ADAM17: variants seen among roughly 807,000 people sequenced by gnomAD.
ADAM17 encodes ADAM metallopeptidase domain 17, also known as disintegrin and metalloproteinase domain-containing protein 17.
Under a neutral mutation model 96.7 loss-of-function variants are expected in ADAM17, and 39 were observed. The observed-to-expected ratio is 0.40, with a 90% CI of 0.31 to 0.53. ADAM17 has a LOEUF of 0.53. ADAM17 is among the 20% of genes least tolerant of loss of function. ADAM17 has a pLI of 0.44. For missense variants in ADAM17, 777 were observed against 1,013.2 expected (o/e 0.77, Z 3.17); for synonymous variants, 344 against 359.2 (o/e 0.96, Z 0.48).
chr2:9,511,255 C>G lies in ADAM17; in HGVS notation c.1192-1124G>C, dbSNP rs190910092. 2.0e-5 allele frequency among the ~76,000 whole-genome samples: 3 copies of G among 152,050 alleles called. No homozygotes were observed. The South Asian group carries it at 6.2e-4, about 32-fold the overall frequency. The stretch of plus-strand genomic sequence containing the variant: ...CCTGAGGTCAGGAGTTCGAGACCAG[C>G]CTGGCCAACATAGTAAAACCCCATC... On this transcript the variant is annotated intron_variant, in intron 10 of 18. Transcript: ENST00000310823.
In ADAM17 at chr2:9,491,091, G is replaced by T; in HGVS notation, c.2133+10C>A. The T allele has an allele frequency of 3.7e-6, 6 of 1,610,818 alleles. No homozygotes were observed. Among genetic ancestry groups the T allele is most frequent in the Non-Finnish European group, 5.1e-6 (6 of 1,177,342 alleles). On this transcript the variant is annotated intron_variant, in intron 18 of 18. Transcript: ENST00000310823. Reference sequence around the variant, plus strand: ...GCGAAGATTATGTTTCTTTCATATGGTATACTTACACTGGGGTGAAACAGA... The same window carrying T: ...GCGAAGATTATGTTTCTTTCATATGTTATACTTACACTGGGGTGAAACAGA...
At chr2:9,503,609 G>T (rs1270499358) in intron 12 of ADAM17, among the ~76,000 whole-genome samples, 1 of 152,198 alleles carries the variant, frequency 6.6e-6, no homozygotes, top group Non-Finnish European at 1.5e-5. Flanking sequence ...GGGAGGCTGA[G>T]GCAGGCAGAT....
chr2:9,522,916 A>G (rs1017507277), intron 7 of ADAM17, among the ~76,000 whole-genome samples: 47 of 152,168 alleles, frequency 3.1e-4, no homozygotes, highest in African/African-American at 1.1e-3. Context: ...TAAGGATTCA[A>G]TGGTGCATGC....
chr2:9,521,416 GA>G (rs1035666406), intron 7 of ADAM17, 100 bp from the exon 8 acceptor site: 169 of 859,724 alleles, frequency 2.0e-4, no homozygotes, highest in Middle Eastern at 7.8e-4. Context: ...AATCGTTCTA[GA>G]AAAAAAACAT....
Position 9,526,251 on chromosome 2 carries a change from T to C in ADAM17, c.620-7A>G. 1 of 1,611,750 alleles carries C rather than the reference T, an allele frequency of 6.2e-7. No individual in the cohort carries two copies. Among genetic ancestry groups the C allele is most frequent in the South Asian group, 1.1e-5 (1 of 90,526 alleles). ...TTCACTCGATGAACAAGCTCTAATA[T>C]GAATTTGTATGCACTATTAAATCAA... On this transcript the variant is annotated splice_polypyrimidine_tract_variant and splice_region_variant and intron_variant, in intron 5 of 18. Coordinates refer to ENST00000310823, the MANE Select transcript of ADAM17 (RefSeq NM_003183.6).
chr2:9,547,559 CAT>C (rs1665441964), intron 1 of ADAM17, among the ~76,000 whole-genome samples: 1 of 152,134 alleles, frequency 6.6e-6, no homozygotes, highest in Non-Finnish European at 1.5e-5. Context: ...AAGGGCATAA[CAT>C]ATGCTGAATT....
At position 9,489,286 on chromosome 2, in the gene ADAM17, G is replaced by GACTCT; in HGVS notation, c.*890_*891insAGAGT. On this transcript the variant is annotated 3_prime_UTR_variant, in exon 19 of 19. Transcript: ENST00000310823. Reference sequence around the variant, plus strand: ...TTTTTTTTTTTTTTTTTTTTTTTGAGGCAGAGTCTCACTCTGTCACCCAGG... The same window carrying GACTCT: ...TTTTTTTTTTTTTTTTTTTTTTTGAGACTCTGCAGAGTCTCACTCTGTCACCCAGG... 1.8e-5 allele frequency: 2 copies of GACTCT among 109,530 alleles called. No homozygotes were observed. Among genetic ancestry groups the GACTCT allele is most frequent in the Admixed American group, 1.8e-4 (2 of 11,362 alleles). 6.8% of individuals were successfully genotyped at this position (109,530 alleles called of 1,614,324 possible).
chr2:9,528,253 T>G (rs1572939580), intron 4 of ADAM17, among the ~76,000 whole-genome samples: 1 of 152,224 alleles, frequency 6.6e-6, no homozygotes, highest in African/African-American at 2.4e-5. Flanking sequence ...CATATCATTT[T>G]CCACTCATTC....
intron 12 of ADAM17, 126 bp downstream of exon 12, chr2:9,505,040 T>C (rs1265895720): frequency 2.7e-5 from 28 of 1,047,032 alleles, no homozygotes; most frequent in Middle Eastern, 2.6e-4. Context: ...GCAAAAGAGG[T>C]AGATGTAAAC....
chr2:9,537,888 A>G (rs1558522628), intron 2 of ADAM17, among the ~76,000 whole-genome samples: 1 of 63,222 alleles, frequency 1.6e-5, no homozygotes, highest in African/African-American at 5.9e-5. Flanking sequence ...AGGGGAGGGG[A>G]GGGGAGGGGA....
chr2:9,544,777 GATCAC>G (rs1413429852), intron 1 of ADAM17, among the ~76,000 whole-genome samples: 2 of 151,152 alleles, frequency 1.3e-5, no homozygotes, highest in East Asian at 3.9e-4. Context: ...AGTGAGCTGA[GATCAC>G]ATCACTGCAC....
chr2:9,553,766 A>G (rs909191116), intron 1 of ADAM17, among the ~76,000 whole-genome samples: 56 of 152,082 alleles, frequency 3.7e-4, no homozygotes, highest in Non-Finnish European at 6.3e-4. Context: ...TTTTGCAAAT[A>G]AAAAACAAAC....
chr2:9,495,237 G>A (rs907945370), intron 14 of ADAM17, among the ~76,000 whole-genome samples: 5 of 152,214 alleles, frequency 3.3e-5, no homozygotes, highest in Admixed American at 6.5e-5. Context: ...CCAGGAGCAT[G>A]AGCCCTGCAG....
chr2:9,538,046 T>C (rs1012909241), intron 2 of ADAM17, among the ~76,000 whole-genome samples: 19 of 150,422 alleles, frequency 1.3e-4, no homozygotes, highest in Non-Finnish European at 2.5e-4. Context: ...TTCAGTTCTT[T>C]AGTGGGCTTA....
intron 10 of ADAM17, among the ~76,000 whole-genome samples, chr2:9,514,518 AATATATATAT>A (rs70948826): frequency 0.015 from 1,304 of 89,666 alleles, 20 homozygotes; most frequent in Middle Eastern, 0.027. Flanking sequence ...TTAAAATATA[AATATATATAT>A]ATATATATAT....
intron 17 of ADAM17, among the ~76,000 whole-genome samples, chr2:9,491,754 G>A (rs1030469165): frequency 1.1e-4 from 16 of 152,238 alleles, no homozygotes; most frequent in African/African-American, 3.6e-4. Context: ...CAAGGACCAA[G>A]AATCCAGGAC....
At chr2:9,549,192 A>G (rs1323841190) in intron 1 of ADAM17, among the ~76,000 whole-genome samples, 1 of 152,080 alleles carries the variant, frequency 6.6e-6, no homozygotes, top group Non-Finnish European at 1.5e-5. Flanking sequence ...CCAACATGGT[A>G]AAACCCAGTC....
rs151089669 is a variant in ADAM17, at chr2:9,518,213, T to G, written c.992A>C (p.Lys331Thr). 1.9e-6 allele frequency: 3 copies of G among 1,579,242 alleles called. No individual in the cohort carries two copies. The African/African-American group carries it at 4.2e-5, about 22-fold the overall frequency. Residue 331 changes from lysine to threonine, a missense_variant, in exon 9 of 19, where the codon AAA becomes ACA. Lys to Thr is a moderately conservative substitution (Grantham distance 78). Around this residue, in one of 3 missense-constraint regions of ADAM17, gnomAD observed 446 missense variants for 664.7 expected, o/e 0.67. Coordinates refer to ENST00000310823, the MANE Select transcript of ADAM17 (RefSeq NM_003183.6). ...TGTGAAAAGGTGTGCCAAGCAAACT[T>G]TAGATGCTTCCTCAGCTATATCAAA... ...FSFDIAEEAS[K>T]VCLAHLFTYQ...
chr2:9,545,266 A>G (rs1473392489), intron 1 of ADAM17, among the ~76,000 whole-genome samples: 2 of 152,090 alleles, frequency 1.3e-5, no homozygotes, highest in Non-Finnish European at 2.9e-5. Flanking sequence ...TGACACACTC[A>G]AATATGAAAA....
Sources: gnomAD v4.1 joint callset for allele counts (sites outside exome capture counted in the v4.1 genomes callset) on GRCh38, gnomAD v4.1.1 for gene constraint, gnomAD v4.1.1 regional missense constraint, MANE v1.5 for transcripts, NCBI Gene and HGNC (gene_info 2026-07-23, HGNC 2026-07-21) for gene names.